PRG4: variants seen among roughly 807,000 people sequenced by gnomAD.
The protein encoded by PRG4 is proteoglycan 4.
PRG4 carries 61 observed loss-of-function variants against 91.2 expected under a neutral mutation model. The ratio of observed to expected loss-of-function variants is 0.67; its 90% CI spans 0.54 to 0.83. The LOEUF (loss-of-function observed/expected upper bound fraction) is 0.83, where lower values mean the gene tolerates loss of function less well. Ranked by LOEUF, PRG4 falls within the 40% of genes least tolerant of loss-of-function variation. The probability of loss-of-function intolerance (pLI) is 0.00; values close to 1 mark genes in which losing one functional copy is unlikely to be tolerated. For missense variants in PRG4, 1,564 were observed against 1,714.2 expected, an observed-to-expected ratio of 0.91 and a Z score of 1.55; for synonymous variants, 576 against 614.2, an observed-to-expected ratio of 0.94 and a Z score of 0.92.
intron 11 of PRG4, 175 bp downstream of exon 11, chr1:186,312,547 T>C (rs1657343418): frequency 1.2e-6 from 1 of 812,358 alleles, no homozygotes; most frequent in South Asian, 1.8e-5. Flanking sequence ...AATACTTTCT[T>C]TTTCCTTGTG....
At chr1:186,309,956 GGTT>G (rs1657057849) in intron 8 of PRG4, 86 bp downstream of exon 8, 4 of 1,174,692 alleles carry the variant, frequency 3.4e-6, no homozygotes, top group South Asian at 2.4e-5. Context: ...TGCTAGTTTG[GGTT>G]GTTTTCTGGA....
chr1:186,302,935 GA>G (rs1013637127), intron 4 of PRG4, among the ~76,000 whole-genome samples: 4 of 149,934 alleles, frequency 2.7e-5, no homozygotes, highest in South Asian at 2.1e-4. Flanking sequence ...GTAGAACTCT[GA>G]AAAAAAAATG....
Position 186,314,136 on chromosome 1 carries a change from A to G in PRG4, c.*358A>G. On this transcript the variant is annotated 3_prime_UTR_variant, in exon 13 of 13. Coordinates refer to ENST00000445192, the MANE Select transcript of PRG4 (RefSeq NM_005807.6). The stretch of plus-strand genomic sequence containing the variant: ...AATATCTAGGCATTGTGGATATAAA[A>G]CTGTTGGGTATTCTACAACTTCAAT... 1 of 987,880 alleles carries G rather than the reference A, an allele frequency of 1.0e-6. No homozygotes were observed. Among genetic ancestry groups the G allele is most frequent in the East Asian group, 2.5e-5 (1 of 40,790 alleles). The allele number at this position is 987,880 out of a possible 1,614,324, so 61.2% of individuals were successfully genotyped here. A position where few individuals can be genotyped will look rare whatever the true frequency, so the allele number is the denominator to read the frequency against.
At chr1:186,301,006 A>G (rs1178621551) in intron 3 of PRG4, among the ~76,000 whole-genome samples, 3 of 152,116 alleles carry the variant, frequency 2.0e-5, no homozygotes, top group Non-Finnish European at 4.4e-5. Flanking sequence ...TTAAATTTTC[A>G]TTTTTTAAAT....
intron 2 of PRG4, 59 bp from the exon 3 acceptor site, chr1:186,300,032 A>G: frequency 6.3e-7 from 1 of 1,593,290 alleles, no homozygotes; most frequent in South Asian, 1.1e-5. Flanking sequence ...CCCTCGTTAG[A>G]TTGCTCCCTT....
Position 186,314,140 on chromosome 1 carries a change from T to C in PRG4, c.*362T>C. 2.1e-6 allele frequency: 2 copies of C among 931,090 alleles called. No individual in the cohort carries two copies. The highest frequency in any genetic ancestry group is 3.2e-6 in the Non-Finnish European group (2 of 620,116). 57.7% of individuals were successfully genotyped at this position (931,090 alleles called of 1,614,324 possible). A position where few individuals can be genotyped will look rare whatever the true frequency, so the allele number is the denominator to read the frequency against. Reference sequence around the variant, plus strand: ...TCTAGGCATTGTGGATATAAAACTGTTGGGTATTCTACAACTTCAATGGAA... The same window carrying C: ...TCTAGGCATTGTGGATATAAAACTGCTGGGTATTCTACAACTTCAATGGAA... On this transcript the variant is annotated 3_prime_UTR_variant, in exon 13 of 13. Coordinates refer to ENST00000445192, the MANE Select transcript of PRG4 (RefSeq NM_005807.6).
rs759761738 is a variant in PRG4, at chr1:186,306,594, C to T, written c.875C>T (p.Thr292Ile). Reference protein sequence around the residue: ...TTVETKETTTTNKQTSTDGKE... With the variant: ...TTVETKETTTINKQTSTDGKE... ...GTTGAAACTAAAGAAACTACTACAACAAATAAACAGACTTCAACTGATGGA... is the reference window on the plus strand; with the variant it reads ...GTTGAAACTAAAGAAACTACTACAATAAATAAACAGACTTCAACTGATGGA... Residue 292 changes from threonine (T) to isoleucine (I), a missense_variant, in exon 7 of 13, where the codon ACA becomes ATA. By Grantham distance (89) the Thr-to-Ile change is moderately conservative. Around this residue, in one of 3 missense-constraint regions of PRG4, gnomAD observed 437 missense variants for 459.0 expected, o/e 0.95. Coordinates refer to ENST00000445192, the MANE Select transcript of PRG4 (RefSeq NM_005807.6). The T allele has an allele frequency of 1.2e-6, 2 of 1,613,426 alleles. No individual in the cohort carries two copies. Among genetic ancestry groups the T allele is most frequent in the East Asian group, 2.2e-5 (1 of 44,882 alleles).
rs201326981 is a variant in PRG4 at position 186,306,583 on chromosome 1, AACT to A, written c.870_872del (p.Thr292del). The A allele has an allele frequency of 6.8e-4, 1,103 of 1,613,514 alleles. 8 individuals are homozygous for A. The African/African-American group carries it at 0.013, about 19-fold the overall frequency. On this transcript the variant is annotated inframe_deletion, in exon 7 of 13. Transcript: ENST00000445192. ...AAGAGACAACAGTTGAAACTAAAGA[AACT>A]ACTACAACAAATAAACAGACTTCAA...
rs367898461 is a variant in PRG4, at chr1:186,309,844, G to T, written c.3473G>T (p.Arg1158Leu). 1.1e-5 allele frequency: 18 copies of T among 1,613,552 alleles called. No homozygotes were observed. The highest frequency in any genetic ancestry group is 1.7e-5 in the Admixed American group (1 of 60,004). Residue 1158 changes from arginine to leucine, a missense_variant, in exon 8 of 13, where the codon CGC (arginine) becomes CTC (leucine). Physicochemically the swap from Arg to Leu is moderately radical, Grantham distance 102. Around this residue, in one of 3 missense-constraint regions of PRG4, gnomAD observed 1,079 missense variants for 1,162.2 expected, o/e 0.93. Transcript: ENST00000445192. Reference sequence around the variant, plus strand: ...CCAGTAGATGGACTGACTACTTTGCGCAATGGGACATTAGTTGCATTCCGA... The same window carrying T: ...CCAGTAGATGGACTGACTACTTTGCTCAATGGGACATTAGTTGCATTCCGA... ...GKPVDGLTTL[R>L]NGTLVAFRGH...
At position 186,309,080 on chromosome 1, in the gene PRG4, G is replaced by A. The variant is rs151098874; in HGVS notation, c.3361G>A (p.Asp1121Asn). ...PHVFMPEVTP[D>N]MDYLPRVPNQ... ...TGTGTTCATGCCTGAAGTTACTCCC[G>A]ACATGGATTACTTACCGAGAGTACC... is the stretch of plus-strand genomic sequence containing the variant. Residue 1121 changes from aspartate to asparagine, a missense_variant, in exon 7 of 13, where the codon GAC becomes AAC. Coordinates refer to ENST00000445192, the MANE Select transcript of PRG4 (RefSeq NM_005807.6). 1.3e-4 allele frequency: 203 copies of A among 1,613,762 alleles called. 1 individual carries two copies. The highest frequency in any genetic ancestry group is 1.6e-4 in the Non-Finnish European group (191 of 1,179,966).
At chr1:186,300,718 G>A (rs1283362054) in intron 3 of PRG4, among the ~76,000 whole-genome samples, 1 of 152,150 alleles carries the variant, frequency 6.6e-6, no homozygotes, top group South Asian at 2.1e-4. Flanking sequence ...TAAAGATAAA[G>A]TGCTAGTGTT....
Position 186,311,690 on chromosome 1 carries a change from T to G in PRG4, c.3793+94T>G, listed in dbSNP as rs567887754. The stretch of plus-strand genomic sequence containing the variant: ...TTGACTTTACTGTCAAAAGATATCT[T>G]TAATGGCTGAAATCAAATATTTTCA... On this transcript the variant is annotated intron_variant, in intron 10 of 12. Coordinates refer to ENST00000445192, the MANE Select transcript of PRG4 (RefSeq NM_005807.6). 39 of 1,294,500 alleles carry G rather than the reference T, an allele frequency of 3.0e-5. No individual in the cohort carries two copies. The East Asian group carries it at 9.1e-4, about 30-fold the overall frequency. The allele number at this position is 1,294,500 out of a possible 1,614,324, so 80.2% of individuals were successfully genotyped here.
chr1:186,304,962 A>G, intron 6 of PRG4, 40 bp downstream of exon 6: 2 of 1,591,332 alleles, frequency 1.3e-6, no homozygotes, highest in Non-Finnish European at 1.7e-6. Flanking sequence ...TATCAATGCC[A>G]TATTAACAAT....
At position 186,311,569 on chromosome 1, in the gene PRG4, C is replaced by G; in HGVS notation, c.3766C>G (p.Pro1256Ala). ...TTCAACAGCTAAATATAAGAACTGG[C>G]CTGAATCTGTGTATTTTTTCAAGAG... ...ALSTAKYKNWPESVYFFKRGG... is the reference protein window; with the variant it reads ...ALSTAKYKNWAESVYFFKRGG... The change falls in exon 10 of 13, where the codon CCT becomes GCT. Residue 1256 changes from proline to alanine, a missense_variant. Coordinates refer to ENST00000445192, the MANE Select transcript of PRG4 (RefSeq NM_005807.6). 6.2e-7 allele frequency: 1 copy of G among 1,613,868 alleles called. No individual in the cohort carries two copies. Among genetic ancestry groups the G allele is most frequent in the Non-Finnish European group, 8.5e-7 (1 of 1,179,886 alleles).
chr1:186,311,956 ATAAC>A (rs1393655794), intron 10 of PRG4: 1 of 558,696 alleles, frequency 1.8e-6, no homozygotes. Context: ...AATTAAATAT[ATAAC>A]TATGTAATTT....
At position 186,307,684 on chromosome 1, in the gene PRG4, G is replaced by A; in HGVS notation, c.1965G>A (p.Glu655=). ...PEELAPTTPE[E]PTPTTPEEPA... is the part of the protein sequence containing the mutation. ...AGCTCGCACCCACCACCCCTGAGGA[G>A]CCCACACCCACCACCCCTGAGGAGC... The change falls in exon 7 of 13, where the codon GAG becomes GAA. Residue 655 remains glutamate, a synonymous_variant. Coordinates refer to ENST00000445192, the MANE Select transcript of PRG4 (RefSeq NM_005807.6). 1 of 1,600,964 alleles carries A rather than the reference G, an allele frequency of 6.2e-7. No individual in the cohort carries two copies. The highest frequency in any genetic ancestry group is 2.2e-5 in the East Asian group (1 of 44,516).
At chr1:186,297,792 A>T (rs763394309) in intron 2 of PRG4, among the ~76,000 whole-genome samples, 5 of 152,256 alleles carry the variant, frequency 3.3e-5, no homozygotes, top group Admixed American at 6.5e-5. Flanking sequence ...AAACATTTCC[A>T]GTAAAATACG....
Position 186,300,195 on chromosome 1 carries a change from A to C in PRG4, c.181A>C (p.Lys61Gln). The C allele has an allele frequency of 6.2e-7, 1 of 1,614,144 alleles. No homozygotes were observed. The highest frequency in any genetic ancestry group is 8.5e-7 in the Non-Finnish European group (1 of 1,180,026). Residue 61 changes from lysine to glutamine, a missense_variant, in exon 3 of 13, where the codon AAG (lysine) becomes CAG (glutamine). This residue lies in a region of PRG4 where 437 missense variants were observed against 459.0 expected (regional missense o/e 0.95). Transcript: ENST00000445192. ...QHYMECCPDF[K>Q]RVCTAELSCK... Reference sequence around the variant, plus strand: ...CTACATGGAGTGCTGCCCTGATTTCAAGAGAGTCTGCACTGCGGGTAAGTC... The same window carrying C: ...CTACATGGAGTGCTGCCCTGATTTCCAGAGAGTCTGCACTGCGGGTAAGTC...
rs767376683 is a variant in PRG4, at chr1:186,304,169, A to G, written c.381A>G (p.Gln127=). ...CACCTCCACCTTCAGGAGCATCTCA[A>G]ACCATCAAATCAACAACCAAACGTT... The part of the protein sequence containing the change: ...KKAPPPSGAS[Q]TIKSTTKRSP... The change falls in exon 5 of 13, where the codon CAA becomes CAG. Residue 127 remains glutamine (Q), a synonymous_variant. Transcript: ENST00000445192. The G allele has an allele frequency of 1.2e-6, 2 of 1,614,022 alleles. No individual in the cohort carries two copies. Among genetic ancestry groups the G allele is most frequent in the Non-Finnish European group, 1.7e-6 (2 of 1,179,832 alleles).
Sources: gnomAD v4.1 joint callset for allele counts (sites outside exome capture counted in the v4.1 genomes callset) on GRCh38, gnomAD v4.1.1 for gene constraint, gnomAD v4.1.1 regional missense constraint, MANE v1.5 for transcripts, NCBI Gene and HGNC (gene_info 2026-07-23, HGNC 2026-07-21) for gene names.